PPP3CA: variants seen among roughly 807,000 people sequenced by gnomAD.
PPP3CA encodes CAM-PRP catalytic subunit.
PPP3CA carries 14 observed loss-of-function variants against 66.5 expected under a neutral mutation model. The ratio of observed to expected loss-of-function variants is 0.21; its 90% confidence interval spans 0.14 to 0.33. The LOEUF is 0.33. Among genes scored for constraint, PPP3CA ranks in the 10% least tolerant of loss-of-function variants. The probability of loss-of-function intolerance (pLI) is 1.00; values close to 1 mark genes in which losing one functional copy is unlikely to be tolerated. For missense variants in PPP3CA, 317 were observed against 639.5 expected (o/e 0.50, Z 5.44); for synonymous variants, 232 against 226.2 (o/e 1.03, Z -0.23).
At chr4:101,124,745 AAG>A (rs1201396686) in intron 2 of PPP3CA, among the ~76,000 whole-genome samples, 16 of 108,348 alleles carry the variant, frequency 1.5e-4, no homozygotes, top group African/African-American at 7.0e-4. Flanking sequence ...GAAAGAAAGA[AAG>A]AAAGAAAGAA....
chr4:101,109,145 C>T, intron 2 of PPP3CA, 67 bp from the exon 3 acceptor site: 1 of 1,447,764 alleles, frequency 6.9e-7, no homozygotes, highest in Admixed American at 1.9e-5. Context: ...AATAAAATTA[C>T]AAAATTTTAG....
intron 2 of PPP3CA, among the ~76,000 whole-genome samples, chr4:101,114,322 T>C (rs889931017): frequency 6.6e-6 from 1 of 152,150 alleles, no homozygotes; most frequent in Non-Finnish European, 1.5e-5. Flanking sequence ...CATAAGTTTA[T>C]TTTTCTGGAG....
chr4:101,063,104 C>G, intron 9 of PPP3CA, 128 bp downstream of exon 9: 1 of 1,202,190 alleles, frequency 8.3e-7, no homozygotes, highest in Non-Finnish European at 1.2e-6. Flanking sequence ...TTCCAAATCA[C>G]ATCTTTCATT....
chr4:101,106,386 A>G (rs1208980999), intron 3 of PPP3CA, among the ~76,000 whole-genome samples: 2 of 4,768 alleles, frequency 4.2e-4, no homozygotes, highest in East Asian at 4.6e-3. Context: ...AGAAAGAAAG[A>G]AAGAAAGAAA....
chr4:101,222,437 C>T (rs1725656098), intron 1 of PPP3CA, among the ~76,000 whole-genome samples: 1 of 151,474 alleles, frequency 6.6e-6, no homozygotes, highest in Non-Finnish European at 1.5e-5. Context: ...TCTTTTTAGC[C>T]ATTGTTTTTT....
intron 1 of PPP3CA, among the ~76,000 whole-genome samples, chr4:101,301,286 T>G (rs1728367759): frequency 6.6e-6 from 1 of 151,630 alleles, no homozygotes; most frequent in African/African-American, 2.4e-5. Flanking sequence ...TAATGTCAAA[T>G]AACATGATAC....
intron 5 of PPP3CA, among the ~76,000 whole-genome samples, chr4:101,094,162 C>G (rs1459183907): frequency 6.6e-6 from 1 of 152,018 alleles, no homozygotes; most frequent in Non-Finnish European, 1.5e-5. Context: ...TTCATCTAAC[C>G]CTTTACCTTC....
intron 1 of PPP3CA, among the ~76,000 whole-genome samples, chr4:101,212,524 C>A (rs1440523590): frequency 6.6e-6 from 1 of 151,964 alleles, no homozygotes; most frequent in Non-Finnish European, 1.5e-5. Context: ...GGCTTAATAC[C>A]TAGGTGATGG....
intron 1 of PPP3CA, among the ~76,000 whole-genome samples, chr4:101,260,958 G>T (rs1726991561): frequency 6.6e-6 from 1 of 152,096 alleles, no homozygotes; most frequent in African/African-American, 2.4e-5. Context: ...CAAAAGAAAA[G>T]GGGTTAGAGG....
chr4:101,068,511 CA>C lies in PPP3CA; in HGVS notation c.956-5155del, dbSNP rs1728777403. Reference sequence around the variant, plus strand: ...TCTGGGAGCCATGCTACTTAGTTTTCAAAAATCTGTATTTTCTCATAAAGAT... The same window carrying C: ...TCTGGGAGCCATGCTACTTAGTTTTCAAAATCTGTATTTTCTCATAAAGAT... On this transcript the variant is annotated intron_variant, in intron 8 of 13. Coordinates refer to ENST00000394854, the MANE Select transcript of PPP3CA (RefSeq NM_000944.5). Among the ~76,000 whole-genome samples, 4 of 151,926 alleles carry C rather than the reference CA, an allele frequency of 2.6e-5. 1 individual carries two copies. In the South Asian group the frequency reaches 8.3e-4, roughly 32 times the overall value.
chr4:101,067,672 G>A (rs201447720), intron 8 of PPP3CA, among the ~76,000 whole-genome samples: 1 of 137,796 alleles, frequency 7.3e-6, no homozygotes, highest in South Asian at 2.5e-4. Context: ...GTTGTGGGGT[G>A]GGGGGACGGG....
chr4:101,184,898 C>T (rs534021792), intron 2 of PPP3CA, among the ~76,000 whole-genome samples: 10 of 152,106 alleles, frequency 6.6e-5, no homozygotes, highest in African/African-American at 1.2e-4. Context: ...TATGGCTGCA[C>T]ACTGCCGCAT....
chr4:101,052,721 A>G (rs1394167095), intron 10 of PPP3CA, among the ~76,000 whole-genome samples: 2 of 152,064 alleles, frequency 1.3e-5, no homozygotes, highest in Non-Finnish European at 2.9e-5. Flanking sequence ...TATTATAAAA[A>G]TATAAGAGAT....
intron 1 of PPP3CA, among the ~76,000 whole-genome samples, chr4:101,271,821 A>C (rs943071811): frequency 6.6e-6 from 1 of 152,188 alleles, no homozygotes; most frequent in Non-Finnish European, 1.5e-5. Flanking sequence ...GATGGGCCCA[A>C]AAATGTGGTG....
chr4:101,254,279 A>C (rs1726770683), intron 1 of PPP3CA, among the ~76,000 whole-genome samples: 1 of 152,052 alleles, frequency 6.6e-6, no homozygotes, highest in Admixed American at 6.6e-5. Context: ...ATACATATTA[A>C]GCACTTGATG....
chr4:101,084,910 G>A (rs941300122), intron 6 of PPP3CA, among the ~76,000 whole-genome samples: 1 of 152,138 alleles, frequency 6.6e-6, no homozygotes, highest in Admixed American at 6.5e-5. Context: ...CCCAGTCTCT[G>A]CATGGAAACA....
At chr4:101,259,352 C>CAGCA (rs3077988) in intron 1 of PPP3CA, among the ~76,000 whole-genome samples, 98,249 of 150,942 alleles carry the variant, frequency 0.65, 33,072 homozygotes, top group Non-Finnish European at 0.75. Context: ...TTCATTCATT[C>CAGCA]AGCAAGCAAG....
At chr4:101,287,266 A>C (rs1251984515) in intron 1 of PPP3CA, among the ~76,000 whole-genome samples, 3 of 152,194 alleles carry the variant, frequency 2.0e-5, no homozygotes, top group Non-Finnish European at 4.4e-5. Flanking sequence ...TGAATTAGCC[A>C]CCATCTTACA....
intron 10 of PPP3CA, among the ~76,000 whole-genome samples, chr4:101,050,972 T>C (rs1322136216): frequency 2.0e-5 from 3 of 152,168 alleles, no homozygotes; most frequent in Non-Finnish European, 4.4e-5. Context: ...GCCTCATTTA[T>C]GTTTTGTGCC....
Sources: allele counts gnomAD v4.1 joint callset (sites outside exome capture counted in the v4.1 genomes callset), GRCh38; gene constraint gnomAD v4.1.1; transcripts MANE v1.5; gene names NCBI Gene and HGNC (gene_info 2026-07-23, HGNC 2026-07-21).